The following RAB5C variants were observed in gnomAD, a reference collection of about 807,000 sequenced individuals.
The protein encoded by RAB5C is ras-related protein Rab-5C.
RAB5C carries 4 observed loss-of-function variants against 25.2 expected under a neutral mutation model. The observed-to-expected ratio is 0.16, with a 90% CI of 0.08 to 0.36. The LOEUF (loss-of-function observed/expected upper bound fraction) is 0.36. Ranked by LOEUF, RAB5C falls within the 10% of genes least tolerant of loss-of-function variation. The pLI is 1.00. For synonymous variants in RAB5C, 100 were observed against 106.4 expected (o/e 0.94, Z 0.37); for missense variants, 199 against 283.8 (o/e 0.70, Z 2.15).
At chr17:42,141,781 G>A (rs758597084) in intron 1 of RAB5C, among the ~76,000 whole-genome samples, 44 of 152,170 alleles carry the variant, frequency 2.9e-4, no homozygotes, top group Non-Finnish European at 5.7e-4. Flanking sequence ...GGACTGCCAG[G>A]AAGATGATGC....
At chr17:42,147,459 A>G (rs1179566859) in intron 1 of RAB5C, among the ~76,000 whole-genome samples, 2 of 152,226 alleles carry the variant, frequency 1.3e-5, no homozygotes, top group African/African-American at 4.8e-5. Context: ...CTGCAGAAGC[A>G]CGGTCGTTCT....
intron 1 of RAB5C, among the ~76,000 whole-genome samples, chr17:42,144,551 C>T (rs987055233): frequency 3.9e-5 from 6 of 152,116 alleles, no homozygotes; most frequent in East Asian, 3.9e-4. Flanking sequence ...CGGTGGCTCA[C>T]GCCTGTAACC....
intron 2 of RAB5C, among the ~76,000 whole-genome samples, chr17:42,129,051 A>G (rs993816486): frequency 2.0e-5 from 3 of 152,156 alleles, no homozygotes; most frequent in Non-Finnish European, 4.4e-5. Flanking sequence ...GGACTCCTGC[A>G]TGCACTGAGC....
At chr17:42,130,112 A>G in intron 2 of RAB5C, 3 of 569,690 alleles carry the variant, frequency 5.3e-6, no homozygotes, top group South Asian at 5.2e-5. Flanking sequence ...CAGGATGGGA[A>G]GCTAGCTTTC....
chr17:42,154,963 G>A lies in RAB5C; in HGVS notation c.-159C>T, dbSNP rs1033181193. The A allele has an allele frequency of 1.3e-5, 2 of 152,328 alleles. No individual in the cohort carries two copies. Among genetic ancestry groups the A allele is most frequent in the African/African-American group, 4.8e-5 (2 of 41,470 alleles). The allele number at this position is 152,328 out of a possible 1,614,324, so 9.4% of individuals were successfully genotyped here. A position where few individuals can be genotyped will look rare whatever the true frequency, so the allele number is the denominator to read the frequency against. On this transcript the variant is annotated 5_prime_UTR_variant, in exon 1 of 6. Transcript: ENST00000346213. ...GGATCCGCTTCTCTCCCCGCCGGCG[G>A]TGTCCCAGGCTCCGGCCTCCACTTC... is the stretch of plus-strand genomic sequence containing the variant.
intron 1 of RAB5C, among the ~76,000 whole-genome samples, chr17:42,146,351 G>A (rs1416929782): frequency 2.0e-5 from 3 of 152,110 alleles, no homozygotes; most frequent in Non-Finnish European, 1.5e-5. Context: ...TATGTGTGAG[G>A]GATTGTGAGA....
chr17:42,128,530 T>TGGGG, intron 3 of RAB5C, 119 bp downstream of exon 3: 1 of 730,798 alleles, frequency 1.4e-6, no homozygotes, highest in Non-Finnish European at 2.1e-6. Flanking sequence ...ACAGGAAATC[T>TGGGG]GCCCACCCCC....
intron 2 of RAB5C, 89 bp downstream of exon 2, chr17:42,130,248 T>G: frequency 6.6e-7 from 1 of 1,514,808 alleles, no homozygotes; most frequent in African/African-American, 1.4e-5. Flanking sequence ...TAGTCCCTAA[T>G]GCAGGCAGGC....
chr17:42,144,925 C>CAAAAAAAAAAAAAAAAAAAAAA (rs544870361), intron 1 of RAB5C, among the ~76,000 whole-genome samples: 1 of 31,072 alleles, frequency 3.2e-5, no homozygotes, highest in Non-Finnish European at 6.6e-5. Context: ...GACTCCGTCT[C>CAAAAAAAAAAAAAAAAAAAAAA]AAAAAAAAAA....
At chr17:42,127,037 G>C (rs2054433871) in intron 4 of RAB5C, among the ~76,000 whole-genome samples, 189 bp from the exon 5 acceptor site, 1 of 152,200 alleles carries the variant, frequency 6.6e-6, no homozygotes. Context: ...TCACCTCTCA[G>C]CTCACAATCA....
At chr17:42,153,690 G>A (rs1394156848) in intron 1 of RAB5C, among the ~76,000 whole-genome samples, 3 of 152,096 alleles carry the variant, frequency 2.0e-5, no homozygotes, top group South Asian at 2.1e-4. Flanking sequence ...CCTCGTTAAG[G>A]TACAGTCTCC....
intron 1 of RAB5C, among the ~76,000 whole-genome samples, chr17:42,139,312 C>T (rs2144081213): frequency 6.6e-6 from 1 of 152,350 alleles, no homozygotes; most frequent in East Asian, 1.9e-4. Context: ...ACAGACAGGG[C>T]ACTGCCTGCA....
intron 1 of RAB5C, among the ~76,000 whole-genome samples, chr17:42,140,618 G>C (rs2079597106): frequency 6.8e-6 from 1 of 147,306 alleles, no homozygotes; most frequent in South Asian, 2.2e-4. Context: ...CCACCTCCTG[G>C]GTTCAAGCGA....
At chr17:42,140,993 T>G (rs954261586) in intron 1 of RAB5C, among the ~76,000 whole-genome samples, 1 of 151,744 alleles carries the variant, frequency 6.6e-6, no homozygotes, top group Non-Finnish European at 1.5e-5. Context: ...CATGCCCAGC[T>G]AATTTTTCTA....
At chr17:42,126,483 T>C (rs1598241925) in intron 5 of RAB5C, 2 of 219,492 alleles carry the variant, frequency 9.1e-6, no homozygotes, top group Admixed American at 1.1e-4. Flanking sequence ...ATACAAAAAA[T>C]TAGCTGGGAG....
chr17:42,146,152 G>T (rs1045991708), intron 1 of RAB5C, among the ~76,000 whole-genome samples: 1 of 151,940 alleles, frequency 6.6e-6, no homozygotes, highest in African/African-American at 2.4e-5. Flanking sequence ...AAACTGTCAA[G>T]GTCATCAAAA....
chr17:42,126,898 C>T, intron 4 of RAB5C, 50 bp from the exon 5 acceptor site: 1 of 1,099,094 alleles, frequency 9.1e-7, no homozygotes, highest in South Asian at 1.3e-5. Context: ...TTGGCAGGGG[C>T]CAGGGCCCAG....
chr17:42,147,785 G>A (rs972697283), intron 1 of RAB5C, among the ~76,000 whole-genome samples: 2 of 152,216 alleles, frequency 1.3e-5, no homozygotes, highest in African/African-American at 4.8e-5. Context: ...AAGAAAGGAA[G>A]GGAAGTGTGT....
intron 1 of RAB5C, among the ~76,000 whole-genome samples, chr17:42,132,506 A>G (rs1372396749): frequency 1.3e-5 from 2 of 152,166 alleles, no homozygotes; most frequent in Non-Finnish European, 2.9e-5. Flanking sequence ...GCCTATGTGC[A>G]TACTAGGAAC....
Sources: gnomAD v4.1 joint callset for allele counts (sites outside exome capture counted in the v4.1 genomes callset) on GRCh38, gnomAD v4.1.1 for gene constraint, MANE v1.5 for transcripts, NCBI Gene and HGNC (gene_info 2026-07-23, HGNC 2026-07-21) for gene names.